STON2: variants seen among roughly 807,000 people sequenced by gnomAD.
The protein encoded by STON2 is stonin-2.
Under a neutral mutation model 65.7 loss-of-function variants are expected in STON2, and 29 were observed. The ratio of observed to expected loss-of-function variants is 0.44; its 90% CI spans 0.33 to 0.60. STON2 has a LOEUF of 0.60. Among genes scored for constraint, STON2 ranks in the 20% least tolerant of loss-of-function variants. The probability of loss-of-function intolerance (pLI) is 0.03; values close to 1 mark genes in which losing one functional copy is unlikely to be tolerated. For missense variants in STON2, 1,054 were observed against 1,118.1 expected, an observed-to-expected ratio of 0.94 and a Z score of 0.82; for synonymous variants, 404 against 414.2, an observed-to-expected ratio of 0.98 and a Z score of 0.30.
chr14:81,413,612 G>A lies in STON2; in HGVS notation c.-199+13490C>T, dbSNP rs1901276901. ...TGTTCGAGACCAGCCTGACCAACAT[G>A]GTGAAACCCCGTCTCTATTAAAAAT... On this transcript the variant is annotated intron_variant, in intron 2 of 8. Coordinates refer to the STON2 transcript ENST00000553821. Among the ~76,000 whole-genome samples, 2 of 138,466 alleles carry A rather than the reference G, an allele frequency of 1.4e-5. 1 individual carries two copies. The highest frequency in any genetic ancestry group is 6.0e-5 in the African/African-American group (2 of 33,400). 90.8% of individuals were successfully genotyped at this position (138,466 alleles called of 152,430 possible).
intron 5 of STON2, among the ~76,000 whole-genome samples, chr14:81,306,053 C>G (rs796837632): frequency 2.6e-5 from 4 of 151,574 alleles, no homozygotes; most frequent in Admixed American, 1.3e-4. Flanking sequence ...TATTTAACTT[C>G]CCCTTCAACT....
chr14:81,432,128 T>C lies in STON2; in HGVS notation c.-310+4193A>G, dbSNP rs1164608425. 3.3e-5 allele frequency among the ~76,000 whole-genome samples: 5 copies of C among 152,182 alleles called. No individual in the cohort carries two copies. The East Asian group carries it at 7.7e-4, about 23-fold the overall frequency. ...CACATGCTGGTAAACCACTGGTTTATTGGGACCCTAGGTAGAGTTCAAATT... is the reference window on the plus strand; with the variant it reads ...CACATGCTGGTAAACCACTGGTTTACTGGGACCCTAGGTAGAGTTCAAATT... On this transcript the variant is annotated intron_variant, in intron 1 of 8. Transcript: ENST00000553821.
At chr14:81,346,873 A>C (rs1595378192) in intron 4 of STON2, among the ~76,000 whole-genome samples, 2 of 152,212 alleles carry the variant, frequency 1.3e-5, no homozygotes, top group East Asian at 3.8e-4. Context: ...TTGTTGAAAC[A>C]CATTGAAATG....
chr14:81,376,414 T>G lies in STON2; in HGVS notation c.374-5229A>C, dbSNP rs115966682. 5.6e-3 allele frequency among the ~76,000 whole-genome samples: 848 copies of G among 152,194 alleles called. 5 individuals carry two copies. The highest frequency in any genetic ancestry group is 0.019 in the African/African-American group (785 of 41,568). ...CTAGCAAAATATAACTTTTCAAAACTGATTCAAGAAGAAGGTTAAAAACCT... is the reference window on the plus strand; with the variant it reads ...CTAGCAAAATATAACTTTTCAAAACGGATTCAAGAAGAAGGTTAAAAACCT... On this transcript the variant is annotated intron_variant, in intron 3 of 7. Coordinates refer to ENST00000614646, the MANE Select transcript of STON2 (RefSeq NM_001394390.1).
rs76154854 is a variant in STON2 at position 81,264,352 on chromosome 14, G to A, written c.*4062C>T. The A allele has an allele frequency of 5.9e-4, 577 of 985,452 alleles. 9 individuals carry two copies. The East Asian group carries it at 0.038, about 65-fold the overall frequency. The allele number at this position is 985,452 out of a possible 1,614,324, so 61.0% of individuals were successfully genotyped here. On this transcript the variant is annotated 3_prime_UTR_variant, in exon 8 of 8. Coordinates refer to ENST00000614646, the MANE Select transcript of STON2 (RefSeq NM_001394390.1). ...AGCATGCTTGCTGGCTTTATTATGA[G>A]TATTTGATGATAAGTAAGGGTTAAG... is the stretch of plus-strand genomic sequence containing the variant.
intron 2 of STON2, among the ~76,000 whole-genome samples, chr14:81,417,780 A>C (rs890036509): frequency 2.0e-5 from 3 of 152,208 alleles, no homozygotes; most frequent in African/African-American, 7.2e-5. Context: ...GTAAAAAGAT[A>C]GAAGAAGATG....
rs545497665 is a variant in STON2, at chr14:81,320,575, A to G, written c.742+3442T>C. Reference sequence around the variant, plus strand: ...AGTCCACACGTTAAAGCTACATCTTACATTCATTATTTCTACTCCTGCCTG... The same window carrying G: ...AGTCCACACGTTAAAGCTACATCTTGCATTCATTATTTCTACTCCTGCCTG... On this transcript the variant is annotated intron_variant, in intron 5 of 7. Coordinates refer to ENST00000614646, the MANE Select transcript of STON2 (RefSeq NM_001394390.1). Among the ~76,000 whole-genome samples the G allele has an allele frequency of 1.1e-4, 16 of 150,780 alleles. No homozygotes were observed. The East Asian group carries it at 3.2e-3, about 30-fold the overall frequency.
chr14:81,419,158 T>C (rs1048395682), intron 2 of STON2, among the ~76,000 whole-genome samples: 2 of 152,184 alleles, frequency 1.3e-5, no homozygotes, highest in African/African-American at 4.8e-5. Flanking sequence ...ATAACTAATA[T>C]CTTGTGAGTG....
chr14:81,278,994 C>T (rs1472446221), intron 5 of STON2, among the ~76,000 whole-genome samples: 3 of 151,990 alleles, frequency 2.0e-5, no homozygotes, highest in African/African-American at 7.3e-5. Context: ...ACTGGTAGTA[C>T]CAAGGTCTCT....
At chr14:81,393,490 G>A (rs1026765672) in intron 3 of STON2, among the ~76,000 whole-genome samples, 5 of 152,186 alleles carry the variant, frequency 3.3e-5, no homozygotes, top group Non-Finnish European at 7.3e-5. Flanking sequence ...AGACCTTGGG[G>A]CCGGTCAGCC....
chr14:81,424,896 C>G (rs1252513933), intron 2 of STON2, among the ~76,000 whole-genome samples: 1 of 152,196 alleles, frequency 6.6e-6, no homozygotes, highest in African/African-American at 2.4e-5. Context: ...TTTCAGTCTT[C>G]ACATCACCCT....
chr14:81,369,461 A>C (rs751728645), intron 4 of STON2, among the ~76,000 whole-genome samples: 6 of 152,198 alleles, frequency 3.9e-5, no homozygotes, highest in Non-Finnish European at 8.8e-5. Flanking sequence ...AAACAGCCTC[A>C]GCATAGAAAT....
In STON2 at chr14:81,265,148, C is replaced by T. The variant is rs1894306928; in HGVS notation, c.*3266G>A. On this transcript the variant is annotated 3_prime_UTR_variant, in exon 8 of 8. Coordinates refer to ENST00000614646, the MANE Select transcript of STON2 (RefSeq NM_001394390.1). ...ATCTGCATATCCACAGGTAATTTGCCCAACTGTTTTCTATGTAGGTTATTA... is the reference window on the plus strand; with the variant it reads ...ATCTGCATATCCACAGGTAATTTGCTCAACTGTTTTCTATGTAGGTTATTA... 1 of 984,370 alleles carries T rather than the reference C, an allele frequency of 1.0e-6. No individual in the cohort carries two copies. Among genetic ancestry groups the T allele is most frequent in the Non-Finnish European group, 1.2e-6 (1 of 829,832 alleles). 61.0% of individuals were successfully genotyped at this position (984,370 alleles called of 1,614,324 possible). A position where few individuals can be genotyped will look rare whatever the true frequency, so the allele number is the denominator to read the frequency against.
At chr14:81,272,657 A>G (rs995497201) in intron 6 of STON2, among the ~76,000 whole-genome samples, 1 of 152,232 alleles carries the variant, frequency 6.6e-6, no homozygotes, top group Non-Finnish European at 1.5e-5. Context: ...ATTTGCACTG[A>G]TTTTCAGAAA....
chr14:81,333,307 G>T, intron 4 of STON2: 1 of 653,824 alleles, frequency 1.5e-6, no homozygotes, highest in Non-Finnish European at 2.8e-6. Context: ...TGTTTCCTCT[G>T]AAGTCGTTGG....
intron 1 of STON2, among the ~76,000 whole-genome samples, chr14:81,433,350 C>G (rs1002933236): frequency 6.6e-6 from 1 of 152,194 alleles, no homozygotes; most frequent in South Asian, 2.1e-4. Flanking sequence ...CTCCACCTGG[C>G]CACTAGAAAT....
intron 5 of STON2, among the ~76,000 whole-genome samples, chr14:81,303,309 C>T (rs550713811): frequency 2.6e-5 from 4 of 152,126 alleles, no homozygotes; most frequent in Non-Finnish European, 5.9e-5. Context: ...TCCATCAGAG[C>T]CTGACACACA....
rs1033896997 is a variant in STON2, at chr14:81,314,373, T to C, written c.742+9644A>G. On this transcript the variant is annotated intron_variant, in intron 5 of 7. Transcript: ENST00000614646. ...AAGGGTTTATCCTATATTCAAATGG[T>C]CTATAGTGGGATAAAGATAAAAGCT... Among the ~76,000 whole-genome samples the C allele has an allele frequency of 6.6e-5, 10 of 152,190 alleles. 1 individual carries two copies. Among genetic ancestry groups the C allele is most frequent in the Admixed American group, 6.5e-4 (10 of 15,282 alleles).
chr14:81,342,622 T>C (rs1282261810), intron 4 of STON2, among the ~76,000 whole-genome samples: 1 of 152,182 alleles, frequency 6.6e-6, no homozygotes, highest in Non-Finnish European at 1.5e-5. Context: ...CTGAGCTCTA[T>C]TCCCGGTCCC....
Sources: gnomAD v4.1 joint callset for allele counts (sites outside exome capture counted in the v4.1 genomes callset) on GRCh38, gnomAD v4.1.1 for gene constraint, MANE v1.5 for transcripts, NCBI Gene and HGNC (gene_info 2026-07-23, HGNC 2026-07-21) for gene names.